Variants in PI4KB observed in about 807,000 individuals in gnomAD.
The protein encoded by PI4KB is PtdIns 4-kinase beta.
A neutral mutation model predicts 81.4 loss-of-function variants in PI4KB; 23 were observed. That is an observed-to-expected ratio of 0.28 (90% confidence interval 0.20 to 0.40). PI4KB has a LOEUF of 0.40. Among genes scored for constraint, PI4KB ranks in the 10% least tolerant of loss-of-function variants. The probability of loss-of-function intolerance (pLI) is 1.00; values close to 1 mark genes in which losing one functional copy is unlikely to be tolerated. For missense variants in PI4KB, 651 were observed against 1,036.6 expected, an observed-to-expected ratio of 0.63 and a Z score of 5.11; for synonymous variants, 381 against 406.8, an observed-to-expected ratio of 0.94 and a Z score of 0.76.
chr1:151,319,125 A>G (rs1382686595), intron 1 of PI4KB, among the ~76,000 whole-genome samples: 1 of 152,202 alleles, frequency 6.6e-6, no homozygotes, highest in African/African-American at 2.4e-5. Context: ...AACAAATACC[A>G]TCACGTGTAT....
At chr1:151,293,454 G>A (rs868744350) in intron 11 of PI4KB, 107 of 1,226,662 alleles carry the variant, frequency 8.7e-5, no homozygotes, top group African/African-American at 5.1e-4. Context: ...CCTGAGCAAC[G>A]GCGACAACCT....
intron 1 of PI4KB, chr1:151,326,250 T>C (rs1649596135): frequency 2.0e-6 from 3 of 1,496,970 alleles, no homozygotes; most frequent in Non-Finnish European, 2.7e-6. Flanking sequence ...TGTAATCTGA[T>C]AGGGACTTCT....
chr1:151,302,582 T>TC (rs1695383400), intron 6 of PI4KB, among the ~76,000 whole-genome samples: 1 of 146,874 alleles, frequency 6.8e-6, no homozygotes, highest in South Asian at 2.1e-4. Context: ...CTTTTCTTTT[T>TC]TTTTTTTTTT....
intron 9 of PI4KB, among the ~76,000 whole-genome samples, 155 bp from the exon 10 acceptor site, chr1:151,294,696 T>G (rs1694646072): frequency 6.6e-6 from 1 of 152,172 alleles, no homozygotes; most frequent in Non-Finnish European, 1.5e-5. Flanking sequence ...TCCAGTTTCC[T>G]AGGACCTAAA....
At position 151,324,919 on chromosome 1, in the gene PI4KB, T is replaced by A. The variant is rs114580495; in HGVS notation, c.-29+2352A>T. The stretch of plus-strand genomic sequence containing the variant: ...TTCTCATGGAGCGTGGACTCAACTC[T>A]AAGAAGAAAGCAGGGAAATGAGAGG... On this transcript the variant is annotated intron_variant, in intron 1 of 11. Coordinates refer to ENST00000368873, the MANE Select transcript of PI4KB (RefSeq NM_001369623.2). The A allele has an allele frequency of 1.6e-3, 1,606 of 984,066 alleles. 23 individuals carry two copies. In the African/African-American group the frequency reaches 0.025, roughly 15 times the overall value. The allele number at this position is 984,066 out of a possible 1,614,324, so 61.0% of individuals were successfully genotyped here.
At chr1:151,324,677 G>T in intron 1 of PI4KB, 1 of 794,474 alleles carries the variant, frequency 1.3e-6, no homozygotes, top group Non-Finnish European at 1.5e-6. Context: ...ATTCCAGCCA[G>T]ACAGCCCAAG....
At position 151,292,035 on chromosome 1, in the gene PI4KB, G is replaced by A. The variant is rs1397557450; in HGVS notation, c.*817C>T. On this transcript the variant is annotated 3_prime_UTR_variant, in exon 12 of 12. Transcript: ENST00000368873. ...AGGCAGGGAAAAAGCAAACTTCTAT[G>A]TAGTGCCTTTTGTATCTTGGACACT... The A allele has an allele frequency of 2.0e-5, 3 of 151,114 alleles. No individual in the cohort carries two copies. The highest frequency in any genetic ancestry group is 4.4e-5 in the Non-Finnish European group (3 of 67,944). 9.4% of individuals were successfully genotyped at this position (151,114 alleles called of 1,614,324 possible).
At chr1:151,299,687 C>A (rs587677256) in intron 8 of PI4KB, among the ~76,000 whole-genome samples, 3 of 151,524 alleles carry the variant, frequency 2.0e-5, no homozygotes, top group Non-Finnish European at 4.4e-5. Flanking sequence ...GAGACTCTCT[C>A]CGACGAAAAA....
In PI4KB at chr1:151,316,280, C is replaced by T. The variant is rs752756841; in HGVS notation, c.202G>A (p.Val68Ile). The change falls in exon 2 of 12, where the codon GTC (valine) becomes ATC (isoleucine). Residue 68 changes from valine to isoleucine, a missense_variant. Val to Ile is a conservative substitution (Grantham distance 29). Around this residue, in one of 5 missense-constraint regions of PI4KB, gnomAD observed 314 missense variants for 397.8 expected, o/e 0.79. Transcript: ENST00000368873. Reference sequence around the variant, plus strand: ...TCCAGTGGGGTGCCTCTGCTAGAGACTGCCACGCCTCCATGCAAAAGCTTG... The same window carrying T: ...TCCAGTGGGGTGCCTCTGCTAGAGATTGCCACGCCTCCATGCAAAAGCTTG... The part of the protein sequence containing the change: ...KVKLLHGGVA[V>I]SSRGTPLELV... 1 of 1,614,216 alleles carries T rather than the reference C, an allele frequency of 6.2e-7. No homozygotes were observed. The highest frequency in any genetic ancestry group is 1.7e-5 in the Admixed American group (1 of 60,026).
intron 5 of PI4KB, among the ~76,000 whole-genome samples, chr1:151,304,794 T>C (rs911850874): frequency 1.8e-4 from 27 of 151,172 alleles, no homozygotes; most frequent in Admixed American, 6.6e-4. Context: ...GCCTCCCGAG[T>C]AGCTGGGATT....
chr1:151,326,329 C>A, intron 1 of PI4KB: 1 of 653,898 alleles, frequency 1.5e-6, no homozygotes, highest in South Asian at 1.9e-5. Flanking sequence ...GAGGCTCCCC[C>A]TGCTCACAAC....
Position 151,292,944 on chromosome 1 carries a change from G to A in PI4KB, c.2359C>T (p.Leu787=). ...HMSMTEEQLQ[L]LVEQMVDGSM... The stretch of plus-strand genomic sequence containing the variant: ...CCATCCACCATCTGCTCCACCAGCA[G>A]CTGCAGCTGCTCCTCAGTCATGCTC... Residue 787 remains leucine, a synonymous_variant, in exon 12 of 12, where the codon CTG becomes TTG. Transcript: ENST00000368873. 6.2e-7 allele frequency: 1 copy of A among 1,614,166 alleles called. No homozygotes were observed. Among genetic ancestry groups the A allele is most frequent in the Non-Finnish European group, 8.5e-7 (1 of 1,180,016 alleles).
Position 151,315,819 on chromosome 1 carries a change from T to G in PI4KB, c.663A>C (p.Ser221=), listed in dbSNP as rs965625400. The G allele has an allele frequency of 2.5e-6, 4 of 1,613,044 alleles. No individual in the cohort carries two copies. Among genetic ancestry groups the G allele is most frequent in the Non-Finnish European group, 3.4e-6 (4 of 1,179,526 alleles). Residue 221 remains serine (S), a synonymous_variant, in exon 2 of 12, where the codon TCA becomes TCC. Transcript: ENST00000368873. ...GTCGTTGAGTGGAAATGTGCATGTCTGAAGAATAGGCCCCAAGCAACAGGG... is the reference window on the plus strand; with the variant it reads ...GTCGTTGAGTGGAAATGTGCATGTCGGAAGAATAGGCCCCAAGCAACAGGG... ...QCALLLGAYS[S]DMHISTQRHS... is the part of the protein sequence containing the mutation.
chr1:151,308,905 G>C (rs182220427), intron 3 of PI4KB, among the ~76,000 whole-genome samples: 3 of 152,100 alleles, frequency 2.0e-5, no homozygotes, highest in Admixed American at 2.0e-4. Context: ...TTGCTCCCTC[G>C]AACTCTAAAA....
Position 151,302,266 on chromosome 1 carries a change from G to A in PI4KB, c.1553C>T (p.Pro518Leu), listed in dbSNP as rs376699620. ...TTCTGGGTCTCGTTTGAAGGCTGTC[G>A]GGGTATGAGCCAGCTGTTCCGAAAG... ...RRLSEQLAHT[P>L]TAFKRDPEDP... Residue 518 changes from proline (P) to leucine (L), a missense_variant, in exon 7 of 12, where the codon CCG (proline) becomes CTG (leucine). This residue lies in a region of PI4KB where 246 missense variants were observed against 430.1 expected (regional missense o/e 0.57). Transcript: ENST00000368873. 17 of 1,614,002 alleles carry A rather than the reference G, an allele frequency of 1.1e-5. No homozygotes were observed. The highest frequency in any genetic ancestry group is 2.7e-5 in the African/African-American group (2 of 74,918).
At chr1:151,318,742 A>ATAAC (rs78438027) in intron 1 of PI4KB, among the ~76,000 whole-genome samples, 2 of 151,158 alleles carry the variant, frequency 1.3e-5, no homozygotes, top group African/African-American at 4.9e-5. Context: ...AAATAAATAA[A>ATAAC]ATTAAAGTCT....
intron 1 of PI4KB, among the ~76,000 whole-genome samples, chr1:151,319,988 C>T (rs1037598466): frequency 2.0e-5 from 3 of 152,152 alleles, no homozygotes; most frequent in Admixed American, 1.3e-4. Context: ...TGTTTTCCAC[C>T]ACCACCCTTC....
intron 1 of PI4KB, among the ~76,000 whole-genome samples, chr1:151,321,540 A>G (rs990144944): frequency 1.3e-5 from 2 of 151,074 alleles, no homozygotes; most frequent in African/African-American, 4.9e-5. Context: ...ACCCGCCACC[A>G]TGCCCAGCTT....
chr1:151,305,380 C>T (rs1036042489), intron 5 of PI4KB, among the ~76,000 whole-genome samples: 1 of 152,210 alleles, frequency 6.6e-6, no homozygotes, highest in African/African-American at 2.4e-5. Flanking sequence ...TCCATGCCCA[C>T]GTGTCCAGTC....
Sources: gnomAD v4.1 joint callset for allele counts (sites outside exome capture counted in the v4.1 genomes callset) on GRCh38, gnomAD v4.1.1 for gene constraint, gnomAD v4.1.1 regional missense constraint, MANE v1.5 for transcripts, NCBI Gene and HGNC (gene_info 2026-07-23, HGNC 2026-07-21) for gene names.